The following CAPZA2 variants were observed in gnomAD, a reference collection of about 807,000 sequenced individuals.
CAPZA2 encodes the protein F-actin-capping protein subunit alpha-2.
CAPZA2 carries 13 observed loss-of-function variants against 44.0 expected under a neutral mutation model. The ratio of observed to expected loss-of-function variants is 0.30; its 90% CI spans 0.19 to 0.47. CAPZA2 has a LOEUF of 0.47. Among genes scored for constraint, CAPZA2 ranks in the 20% least tolerant of loss-of-function variants. The pLI, the probability that CAPZA2 is intolerant of heterozygous loss-of-function variation, is 1.00. For synonymous variants in CAPZA2, 94 were observed against 108.2 expected, an observed-to-expected ratio of 0.87 and a Z score of 0.81; for missense variants, 244 against 338.6, an observed-to-expected ratio of 0.72 and a Z score of 2.19.
chr7:116,868,179 A>C (rs773505691), intron 1 of CAPZA2, among the ~76,000 whole-genome samples: 2 of 151,998 alleles, frequency 1.3e-5, no homozygotes, highest in African/African-American at 4.8e-5. Context: ...TCTCATCTGA[A>C]CTCTTCAAGA....
At chr7:116,905,340 C>T (rs1791480308) in intron 5 of CAPZA2, among the ~76,000 whole-genome samples, 1 of 151,984 alleles carries the variant, frequency 6.6e-6, no homozygotes, top group South Asian at 2.1e-4. Flanking sequence ...GCTTGAAATC[C>T]TTCAGAGATT....
intron 8 of CAPZA2, among the ~76,000 whole-genome samples, chr7:116,914,446 C>CAT (rs1204667077): frequency 2.0e-5 from 3 of 149,574 alleles, no homozygotes; most frequent in East Asian, 1.9e-4. Flanking sequence ...CACACACACA[C>CAT]ACACACACAC....
chr7:116,895,766 G>A (rs749343322), intron 3 of CAPZA2, among the ~76,000 whole-genome samples: 17 of 152,000 alleles, frequency 1.1e-4, no homozygotes, highest in Non-Finnish European at 1.9e-4. Flanking sequence ...CTGGGTGTCT[G>A]TGAAGTACAG....
At chr7:116,865,002 T>C (rs1796464795) in intron 1 of CAPZA2, among the ~76,000 whole-genome samples, 2 of 152,154 alleles carry the variant, frequency 1.3e-5, no homozygotes, top group African/African-American at 4.8e-5. Context: ...CTCAGTTAGA[T>C]ACATTCATTA....
intron 1 of CAPZA2, among the ~76,000 whole-genome samples, chr7:116,869,030 A>G (rs988787907): frequency 2.6e-5 from 4 of 152,248 alleles, no homozygotes; most frequent in Non-Finnish European, 5.9e-5. Context: ...GAATACAGAT[A>G]TGAAAACACT....
At chr7:116,881,496 T>C (rs1585004568) in intron 1 of CAPZA2, among the ~76,000 whole-genome samples, 3 of 152,062 alleles carry the variant, frequency 2.0e-5, no homozygotes, top group South Asian at 2.1e-4. Flanking sequence ...TCCCAGCACT[T>C]CGGGAGGCCA....
intron 4 of CAPZA2, among the ~76,000 whole-genome samples, chr7:116,899,490 G>A (rs937595613): frequency 4.0e-5 from 6 of 151,780 alleles, no homozygotes; most frequent in African/African-American, 1.5e-4. Context: ...TAGTCGTTAC[G>A]TAATATGTAG....
At chr7:116,910,059 A>G (rs1293063955) in intron 6 of CAPZA2, 174 bp from the exon 7 acceptor site, 5 of 601,102 alleles carry the variant, frequency 8.3e-6, no homozygotes, top group East Asian at 2.9e-5. Context: ...AATATGTATC[A>G]TAACTGGACT....
At chr7:116,911,679 T>G (rs1039285096) in intron 7 of CAPZA2, among the ~76,000 whole-genome samples, 1 of 152,182 alleles carries the variant, frequency 6.6e-6, no homozygotes, top group Non-Finnish European at 1.5e-5. Context: ...CATTCAGTGT[T>G]TGTTGAGTAA....
At chr7:116,892,436 T>C (rs956643901) in intron 2 of CAPZA2, among the ~76,000 whole-genome samples, 1 of 152,214 alleles carries the variant, frequency 6.6e-6, no homozygotes, top group African/African-American at 2.4e-5. Context: ...AAAAATGCTA[T>C]TTTTGAAGTC....
intron 4 of CAPZA2, among the ~76,000 whole-genome samples, chr7:116,901,741 G>C (rs1475586981): frequency 2.0e-5 from 3 of 151,682 alleles, no homozygotes; most frequent in African/African-American, 4.8e-5. Context: ...TCCATTCTTA[G>C]ATAGAAAATT....
rs550801146 is a variant in CAPZA2 at position 116,908,256 on chromosome 7, A to G, written c.506+1914A>G. ...AGTCTGGGTGACAAAGCAAGACCCT[A>G]TCTCTAGAAGAAAAAAAAAAGAAAT... On this transcript the variant is annotated intron_variant, in intron 6 of 9. Transcript: ENST00000361183. 1.4e-4 allele frequency among the ~76,000 whole-genome samples: 22 copies of G among 152,144 alleles called. No individual in the cohort carries two copies. The East Asian group carries it at 4.3e-3, about 29-fold the overall frequency.
chr7:116,915,432 C>T (rs1054546648), intron 8 of CAPZA2: 4 of 151,918 alleles, frequency 2.6e-5, no homozygotes. Context: ...TTAGGAATGA[C>T]CATTTTTACT....
At chr7:116,906,895 C>T (rs1053469517) in intron 6 of CAPZA2, among the ~76,000 whole-genome samples, 1 of 152,176 alleles carries the variant, frequency 6.6e-6, no homozygotes, top group Non-Finnish European at 1.5e-5. Context: ...CCATACTGGT[C>T]TTGGACCTTT....
chr7:116,882,317 A>G (rs1169259286), intron 1 of CAPZA2, among the ~76,000 whole-genome samples: 1 of 152,006 alleles, frequency 6.6e-6, no homozygotes, highest in African/African-American at 2.4e-5. Flanking sequence ...CTCCTTTTAC[A>G]TTTATTAATT....
chr7:116,871,245 ATAGC>A lies in CAPZA2; in HGVS notation c.39+8600_39+8603del, dbSNP rs373800978. 1.9e-4 allele frequency among the ~76,000 whole-genome samples: 29 copies of A among 152,330 alleles called. No homozygotes were observed. In the East Asian group the frequency reaches 4.8e-3, roughly 25 times the overall value. The stretch of plus-strand genomic sequence containing the variant: ...CTTGAGGTCGAAGTGTTACCTACTG[ATAGC>A]TAGCACAGAGTAGGTGCTGAGGTCA... On this transcript the variant is annotated intron_variant, in intron 1 of 9. Transcript: ENST00000361183.
Position 116,904,384 on chromosome 7 carries a change from G to A in CAPZA2, c.426+1G>A. 6.3e-7 allele frequency: 1 copy of A among 1,594,560 alleles called. No homozygotes were observed. Among genetic ancestry groups the A allele is most frequent in the Non-Finnish European group, 8.6e-7 (1 of 1,162,318 alleles). Reference sequence around the variant, plus strand: ...ACATTACCCGAATGGAGTCTGCACTGTAAGTCATCAGTAGCAGCTTTGTGT... The same window carrying A: ...ACATTACCCGAATGGAGTCTGCACTATAAGTCATCAGTAGCAGCTTTGTGT... On this transcript the variant is annotated splice_donor_variant, in intron 5 of 9. Coordinates refer to ENST00000361183, the MANE Select transcript of CAPZA2 (RefSeq NM_006136.3). LOFTEE classifies it high-confidence loss of function.
At position 116,917,853 on chromosome 7, in the gene CAPZA2, A is replaced by G; in HGVS notation, c.847A>G (p.Met283Val). The G allele has an allele frequency of 6.2e-7, 1 of 1,613,288 alleles. No individual in the cohort carries two copies. The highest frequency in any genetic ancestry group is 1.3e-5 in the African/African-American group (1 of 75,064). ...KILSYKIGKE[M>V]QNA is the part of the protein sequence containing the mutation. ...CCTTAGCTACAAGATTGGCAAAGAG[A>G]TGCAGAATGCATAAGATGAACATTG... Residue 283 changes from methionine (M) to valine (V), a missense_variant, in exon 10 of 10, where the codon ATG becomes GTG. Met to Val is a conservative substitution (Grantham distance 21). Transcript: ENST00000361183.
intron 2 of CAPZA2, 130 bp downstream of exon 2, chr7:116,888,320 TG>T (rs1796789257): frequency 1.7e-6 from 1 of 573,044 alleles, no homozygotes; most frequent in African/African-American, 1.9e-5. Context: ...AATGACAATA[TG>T]TTAGTCTGGA....
Sources: allele counts gnomAD v4.1 joint callset (sites outside exome capture counted in the v4.1 genomes callset), GRCh38; gene constraint gnomAD v4.1.1; transcripts MANE v1.5; gene names NCBI Gene and HGNC (gene_info 2026-07-23, HGNC 2026-07-21).